The following CTNNA3 variants were observed in gnomAD, a reference collection of about 807,000 sequenced individuals.
CTNNA3 encodes catenin alpha-3.
Under a neutral mutation model 95.7 loss-of-function variants are expected in CTNNA3, and 76 were observed. The ratio of observed to expected loss-of-function variants is 0.79; its 90% CI spans 0.66 to 0.96. The LOEUF (loss-of-function observed/expected upper bound fraction) is 0.96. Among genes scored for constraint, CTNNA3 ranks in the 40% least tolerant of loss-of-function variants. CTNNA3 has a pLI of 0.00. For missense variants in CTNNA3, 1,191 were observed against 1,089.8 expected, an observed-to-expected ratio of 1.09 and a Z score of -1.31; for synonymous variants, 431 against 374.4, an observed-to-expected ratio of 1.15 and a Z score of -1.74.
intron 2 of CTNNA3, among the ~76,000 whole-genome samples, chr10:67,628,663 T>C (rs1476974857): frequency 6.6e-5 from 10 of 152,170 alleles, no homozygotes; most frequent in Admixed American, 6.5e-4. Context: ...TATGGCTATC[T>C]TGTTAGTATG....
At chr10:66,627,741 T>C (rs1038061269) in intron 9 of CTNNA3, among the ~76,000 whole-genome samples, 1 of 152,168 alleles carries the variant, frequency 6.6e-6, no homozygotes, top group African/African-American at 2.4e-5. Context: ...GTCATATCAG[T>C]TCCTGCACAT....
At chr10:66,471,864 AC>A (rs1015271038) in intron 11 of CTNNA3, among the ~76,000 whole-genome samples, 21 of 151,878 alleles carry the variant, frequency 1.4e-4, no homozygotes, top group Non-Finnish European at 3.1e-4. Flanking sequence ...CTCAAACAAA[AC>A]CCCCCAAAAC....
chr10:66,039,036 C>G (rs2079624963), intron 15 of CTNNA3, among the ~76,000 whole-genome samples: 1 of 152,146 alleles, frequency 6.6e-6, no homozygotes, highest in South Asian at 2.1e-4. Context: ...TGATAAACAA[C>G]TTTGGGAAAG....
At chr10:66,871,430 T>C (rs1252028968) in intron 7 of CTNNA3, among the ~76,000 whole-genome samples, 2 of 151,666 alleles carry the variant, frequency 1.3e-5, no homozygotes, top group African/African-American at 4.8e-5. Flanking sequence ...GGCATGGTGG[T>C]GGGTGCCTGT....
chr10:67,531,479 C>CT lies in CTNNA3; in HGVS notation c.459+8023dup, dbSNP rs999398074. The stretch of plus-strand genomic sequence containing the variant: ...GATGGATTGTGGACTTACATGGGGC[C>CT]TGTAGCCCCTTTGTTTTGACCAATT... On this transcript the variant is annotated intron_variant, in intron 4 of 17. Transcript: ENST00000433211. Among the ~76,000 whole-genome samples, 40 of 152,188 alleles carry CT rather than the reference C, an allele frequency of 2.6e-4. 1 individual carries two copies. Among genetic ancestry groups the CT allele is most frequent in the African/African-American group, 8.7e-4 (36 of 41,452 alleles).
At chr10:67,693,404 T>C (rs1011661801) in intron 1 of CTNNA3, among the ~76,000 whole-genome samples, 2 of 152,190 alleles carry the variant, frequency 1.3e-5, no homozygotes, top group African/African-American at 2.4e-5. Flanking sequence ...CAATGATCCA[T>C]AAATAAACAC....
chr10:67,282,023 A>G (rs1036401709), intron 5 of CTNNA3, among the ~76,000 whole-genome samples: 4 of 152,152 alleles, frequency 2.6e-5, no homozygotes, highest in African/African-American at 9.7e-5. Flanking sequence ...GCCAATAGAA[A>G]ACTGTGAAGT....
intron 12 of CTNNA3, among the ~76,000 whole-genome samples, chr10:66,321,769 A>T (rs60721708): frequency 0.071 from 10,784 of 152,184 alleles, 578 homozygotes; most frequent in East Asian, 0.11. Context: ...CGCTATTTTA[A>T]CCTTTGTCCA....
At chr10:67,342,072 T>C (rs1842216990) in intron 5 of CTNNA3, among the ~76,000 whole-genome samples, 1 of 149,996 alleles carries the variant, frequency 6.7e-6, no homozygotes, top group South Asian at 2.1e-4. Context: ...ATATATTTTT[T>C]ATTCTTTTAA....
chr10:66,351,561 A>G (rs571553861), intron 12 of CTNNA3, among the ~76,000 whole-genome samples: 1 of 152,220 alleles, frequency 6.6e-6, no homozygotes, highest in South Asian at 2.1e-4. Context: ...TACTGCAATC[A>G]AATGCTGCAA....
At chr10:66,367,722 A>G (rs1297183064) in intron 12 of CTNNA3, among the ~76,000 whole-genome samples, 1 of 148,172 alleles carries the variant, frequency 6.7e-6, no homozygotes, top group African/African-American at 2.4e-5. Context: ...AGTTAGATTC[A>G]TGATATTCTA....
At chr10:65,986,140 T>C (rs2078422103) in intron 16 of CTNNA3, among the ~76,000 whole-genome samples, 1 of 151,470 alleles carries the variant, frequency 6.6e-6, no homozygotes, top group African/African-American at 2.4e-5. Flanking sequence ...TTTTGTTTAT[T>C]TTGTCTCTGG....
At chr10:66,883,904 CTGAG>C (rs894830069) in intron 7 of CTNNA3, among the ~76,000 whole-genome samples, 1 of 151,992 alleles carries the variant, frequency 6.6e-6, no homozygotes, top group African/African-American at 2.4e-5. Flanking sequence ...GTATCTGAGG[CTGAG>C]TAATTTATTT....
At chr10:65,922,643 A>C (rs2133113427) in intron 17 of CTNNA3, among the ~76,000 whole-genome samples, 1 of 152,302 alleles carries the variant, frequency 6.6e-6, no homozygotes, top group East Asian at 1.9e-4. Flanking sequence ...TGATTAACCA[A>C]ACTTTTTTTT....
At chr10:66,271,997 A>G (rs2091292686) in intron 13 of CTNNA3, among the ~76,000 whole-genome samples, 1 of 152,204 alleles carries the variant, frequency 6.6e-6, no homozygotes, top group Non-Finnish European at 1.5e-5. Flanking sequence ...TGCTGAGAGC[A>G]TAAGACTTCT....
At chr10:66,282,646 T>C (rs769951048) in intron 12 of CTNNA3, among the ~76,000 whole-genome samples, 1 of 151,818 alleles carries the variant, frequency 6.6e-6, no homozygotes, top group Non-Finnish European at 1.5e-5. Context: ...AGCATAGTTC[T>C]TCCCATGTCT....
chr10:67,121,735 A>G (rs1589762588), intron 7 of CTNNA3, among the ~76,000 whole-genome samples: 1 of 151,832 alleles, frequency 6.6e-6, no homozygotes, highest in Non-Finnish European at 1.5e-5. Flanking sequence ...ATGTCAATTG[A>G]CCAGCAGCCT....
intron 17 of CTNNA3, among the ~76,000 whole-genome samples, chr10:65,935,250 A>T (rs1474904116): frequency 6.6e-6 from 1 of 152,166 alleles, no homozygotes; most frequent in Admixed American, 6.6e-5. Context: ...TTTGTTTTGC[A>T]AGAAGATGCT....
intron 7 of CTNNA3, among the ~76,000 whole-genome samples, chr10:66,798,756 C>T (rs543108752): frequency 2.8e-4 from 42 of 151,606 alleles, no homozygotes; most frequent in Admixed American, 1.4e-3. Context: ...TCACCATGTA[C>T]GTTACCTGTT....
Sources: allele counts gnomAD v4.1 joint callset (sites outside exome capture counted in the v4.1 genomes callset), GRCh38; gene constraint gnomAD v4.1.1; transcripts MANE v1.5; gene names NCBI Gene and HGNC (gene_info 2026-07-23, HGNC 2026-07-21).